Variants in FAM178B observed in about 807,000 individuals in gnomAD.
FAM178B encodes the protein protein FAM178B.
A neutral mutation model predicts 91.7 loss-of-function variants in FAM178B; 82 were observed. The ratio of observed to expected loss-of-function variants is 0.89; its 90% CI spans 0.75 to 1.07. FAM178B has a LOEUF of 1.07. Ranked by LOEUF, FAM178B falls within the 50% of genes least tolerant of loss-of-function variation. The pLI is 0.00. For synonymous variants in FAM178B, 368 were observed against 359.4 expected (o/e 1.02, Z -0.27); for missense variants, 769 against 846.7 (o/e 0.91, Z 1.14).
chr2:96,912,879 C>G (rs2081182166), intron 12 of FAM178B, among the ~76,000 whole-genome samples: 3 of 152,164 alleles, frequency 2.0e-5, no homozygotes, highest in Admixed American at 2.0e-4. Context: ...ACAGTGAGAG[C>G]TCTCTGTGAC....
chr2:96,970,407 C>T (rs887107690), intron 4 of FAM178B, among the ~76,000 whole-genome samples: 1 of 152,240 alleles, frequency 6.6e-6, no homozygotes, highest in African/African-American at 2.4e-5. Flanking sequence ...TGCTTTTCCA[C>T]TTCCCTCTCA....
At chr2:96,892,319 G>A (rs141188711) in intron 14 of FAM178B, among the ~76,000 whole-genome samples, 102 of 152,264 alleles carry the variant, frequency 6.7e-4, no homozygotes, top group African/African-American at 2.4e-3. Flanking sequence ...AGCAGAGGGG[G>A]TCTAAGGTGG....
At chr2:96,911,543 G>C (rs146168826) in intron 12 of FAM178B, among the ~76,000 whole-genome samples, 96 of 152,330 alleles carry the variant, frequency 6.3e-4, no homozygotes, top group African/African-American at 2.3e-3. Context: ...ATTTCACCCT[G>C]AGGGGGAAAG....
At chr2:96,985,170 C>T (rs1325621610) in intron 1 of FAM178B, among the ~76,000 whole-genome samples, 1 of 152,190 alleles carries the variant, frequency 6.6e-6, no homozygotes, top group Non-Finnish European at 1.5e-5. Context: ...GAAGGCCCCC[C>T]AGTCAAACAG....
At chr2:96,921,115 C>T in intron 12 of FAM178B, 50 bp downstream of exon 12, 1 of 1,475,956 alleles carries the variant, frequency 6.8e-7, no homozygotes, top group Non-Finnish European at 9.3e-7. Flanking sequence ...CTACAAGACC[C>T]CGAAGAGATG....
intron 1 of FAM178B, among the ~76,000 whole-genome samples, chr2:96,977,021 C>A (rs939321600): frequency 1.3e-5 from 2 of 151,298 alleles, no homozygotes; most frequent in African/African-American, 4.9e-5. Flanking sequence ...ATGGGGAAAC[C>A]CTGTCTGTAC....
At chr2:96,985,739 A>G (rs2082414979) in intron 1 of FAM178B, among the ~76,000 whole-genome samples, 1 of 152,166 alleles carries the variant, frequency 6.6e-6, no homozygotes, top group Non-Finnish European at 1.5e-5. Flanking sequence ...CAAATATTTA[A>G]TAGCTTGGGA....
At chr2:96,928,977 C>G (rs993196085) in intron 9 of FAM178B, among the ~76,000 whole-genome samples, 2 of 151,896 alleles carry the variant, frequency 1.3e-5, no homozygotes, top group East Asian at 3.9e-4. Context: ...TAGGGAGACC[C>G]CCCCCCGCCA....
At chr2:96,887,215 A>AAACAAC (rs36102912) in intron 14 of FAM178B, among the ~76,000 whole-genome samples, 152 of 151,056 alleles carry the variant, frequency 1.0e-3, no homozygotes, top group African/African-American at 2.0e-3. Flanking sequence ...ACTCTATCTC[A>AAACAAC]AACAACAACA....
At chr2:96,896,318 G>A (rs1388105688) in intron 13 of FAM178B, among the ~76,000 whole-genome samples, 5 of 152,200 alleles carry the variant, frequency 3.3e-5, no homozygotes, top group African/African-American at 9.7e-5. Context: ...CTGCCCCTGC[G>A]ATCTGCCTGT....
chr2:96,890,000 G>A (rs192396144), intron 14 of FAM178B, among the ~76,000 whole-genome samples: 60 of 151,686 alleles, frequency 4.0e-4, no homozygotes, highest in African/African-American at 1.4e-3. Context: ...AATTGGCTGG[G>A]CGTGGTGGCT....
chr2:96,936,730 C>T lies in FAM178B; in HGVS notation c.1079-7410G>A, dbSNP rs921531697. On this transcript the variant is annotated intron_variant, in intron 8 of 16. Transcript: ENST00000490605. ...TTTGCCATGTTGGCCAGGCTGGTCT[C>T]GAACTCCTGACTTCAGGTGATCCGC... Among the ~76,000 whole-genome samples, 3 of 152,074 alleles carry T rather than the reference C, an allele frequency of 2.0e-5. No homozygotes were observed. The South Asian group carries it at 6.2e-4, about 32-fold the overall frequency.
intron 12 of FAM178B, among the ~76,000 whole-genome samples, chr2:96,914,385 T>A (rs891743822): frequency 2.6e-5 from 4 of 152,058 alleles, no homozygotes; most frequent in African/African-American, 9.7e-5. Flanking sequence ...AAGTGCCCAG[T>A]GCACCGCAGG....
At chr2:96,982,735 A>ATTTT (rs58540459) in intron 1 of FAM178B, among the ~76,000 whole-genome samples, 19 of 52,220 alleles carry the variant, frequency 3.6e-4, no homozygotes, top group South Asian at 8.3e-4. Context: ...TGCCCAGCTA[A>ATTTT]TTTTTTTTTT....
chr2:96,949,311 GGCA>G (rs2153373228), intron 7 of FAM178B, among the ~76,000 whole-genome samples: 1 of 152,308 alleles, frequency 6.6e-6, no homozygotes, highest in South Asian at 2.1e-4. Context: ...CCCAGGTACA[GGCA>G]TGGCCCCAGC....
chr2:96,959,594 G>A (rs1049559663), intron 6 of FAM178B, among the ~76,000 whole-genome samples: 9 of 152,212 alleles, frequency 5.9e-5, no homozygotes, highest in East Asian at 3.9e-4. Context: ...CTTCTCCACC[G>A]CCCTGGCCTC....
chr2:96,925,276 ATG>A (rs982783996), intron 9 of FAM178B, among the ~76,000 whole-genome samples: 4 of 152,150 alleles, frequency 2.6e-5, no homozygotes, highest in African/African-American at 9.7e-5. Context: ...AGGTGGTTAC[ATG>A]TGTTTTTTGA....
chr2:96,909,571 TC>T (rs2081116589), intron 12 of FAM178B, among the ~76,000 whole-genome samples: 1 of 152,218 alleles, frequency 6.6e-6, no homozygotes, highest in African/African-American at 2.4e-5. Flanking sequence ...TTGTCAATGT[TC>T]CCTTTCAAGT....
intron 14 of FAM178B, among the ~76,000 whole-genome samples, chr2:96,884,468 C>T (rs910200505): frequency 5.9e-5 from 9 of 152,212 alleles, no homozygotes; most frequent in Admixed American, 1.3e-4. Context: ...GCTGGGCCCC[C>T]GGGGCACGGT....
Sources: allele counts gnomAD v4.1 joint callset (sites outside exome capture counted in the v4.1 genomes callset), GRCh38; gene constraint gnomAD v4.1.1; transcripts MANE v1.5; gene names NCBI Gene and HGNC (gene_info 2026-07-23, HGNC 2026-07-21).